The following CTDSPL variants were observed in gnomAD, a reference collection of about 807,000 sequenced individuals.
CTDSPL encodes the protein CTD small phosphatase like, also known as CTD small phosphatase-like protein.
CTDSPL carries 8 observed loss-of-function variants against 30.5 expected under a neutral mutation model. That is an observed-to-expected ratio of 0.26 (90% CI 0.15 to 0.47). The LOEUF (loss-of-function observed/expected upper bound fraction) is 0.47, where lower values mean the gene tolerates loss of function less well. Among genes scored for constraint, CTDSPL ranks in the 20% least tolerant of loss-of-function variants. The probability of loss-of-function intolerance (pLI) is 0.99; values close to 1 mark genes in which losing one functional copy is unlikely to be tolerated. For synonymous variants in CTDSPL, 110 were observed against 137.9 expected, an observed-to-expected ratio of 0.80 and a Z score of 1.42; for missense variants, 248 against 366.1, an observed-to-expected ratio of 0.68 and a Z score of 2.63.
At chr3:37,924,002 ACT>A (rs1393262201) in intron 1 of CTDSPL, among the ~76,000 whole-genome samples, 1 of 152,202 alleles carries the variant, frequency 6.6e-6, no homozygotes, top group Non-Finnish European at 1.5e-5. Context: ...GCAAGCAGAA[ACT>A]CTTCTATTTT....
chr3:37,897,846 A>G (rs1332971512), intron 1 of CTDSPL, among the ~76,000 whole-genome samples: 2 of 152,214 alleles, frequency 1.3e-5, no homozygotes, highest in Admixed American at 6.5e-5. Context: ...GAGCACTGCC[A>G]TTAGTAAGTT....
At chr3:37,888,020 G>T (rs1029707037) in intron 1 of CTDSPL, among the ~76,000 whole-genome samples, 8 of 152,214 alleles carry the variant, frequency 5.3e-5, no homozygotes, top group African/African-American at 1.4e-4. Context: ...AGCCAAAGGT[G>T]GGGGAGAGGG....
chr3:37,873,288 G>T (rs1698098034), intron 1 of CTDSPL, among the ~76,000 whole-genome samples: 1 of 152,186 alleles, frequency 6.6e-6, no homozygotes, highest in African/African-American at 2.4e-5. Flanking sequence ...CTATAGTAGA[G>T]CAGTTTTGTC....
At position 37,946,735 on chromosome 3, in the gene CTDSPL, T is replaced by G. The variant is rs559321208; in HGVS notation, c.80-322T>G. On this transcript the variant is annotated intron_variant, in intron 1 of 7. Transcript: ENST00000273179. ...TGCAGGGTGGGAATACTTCATCTGCTAGGTTCAGGAATGCAGATGGGGACT... is the reference window on the plus strand; with the variant it reads ...TGCAGGGTGGGAATACTTCATCTGCGAGGTTCAGGAATGCAGATGGGGACT... 7.9e-5 allele frequency among the ~76,000 whole-genome samples: 12 copies of G among 152,256 alleles called. No homozygotes were observed. The South Asian group carries it at 1.9e-3, about 24-fold the overall frequency.
rs1294067047 is a variant in CTDSPL, at chr3:37,983,506, C to T, written c.*2639C>T. On this transcript the variant is annotated 3_prime_UTR_variant, in exon 8 of 8. Coordinates refer to ENST00000273179, the MANE Select transcript of CTDSPL (RefSeq NM_001008392.2). ...CCACTTCTCTGTGCCATATACTTCCCATGTTACCAAAATACCCCCAACTCT... is the reference window on the plus strand; with the variant it reads ...CCACTTCTCTGTGCCATATACTTCCTATGTTACCAAAATACCCCCAACTCT... The T allele has an allele frequency of 6.6e-6, 1 of 152,576 alleles. No individual in the cohort carries two copies. Among genetic ancestry groups the T allele is most frequent in the African/African-American group, 2.4e-5 (1 of 41,428 alleles). 9.5% of individuals were successfully genotyped at this position (152,576 alleles called of 1,614,324 possible). A position where few individuals can be genotyped will look rare whatever the true frequency, so the allele number is the denominator to read the frequency against.
At chr3:37,963,744 CTT>C (rs1699267699) in intron 3 of CTDSPL, among the ~76,000 whole-genome samples, 1 of 152,130 alleles carries the variant, frequency 6.6e-6, no homozygotes. Context: ...TTTATTAACT[CTT>C]TATGACTTCT....
At chr3:37,886,709 A>G (rs1368864798) in intron 1 of CTDSPL, among the ~76,000 whole-genome samples, 2 of 152,230 alleles carry the variant, frequency 1.3e-5, no homozygotes, top group Admixed American at 1.3e-4. Flanking sequence ...TGAAAATTGC[A>G]TTCATAATAC....
intron 2 of CTDSPL, among the ~76,000 whole-genome samples, chr3:37,952,543 C>T (rs1266041754): frequency 6.6e-6 from 1 of 152,216 alleles, no homozygotes; most frequent in Non-Finnish European, 1.5e-5. Context: ...AATGCTTTCA[C>T]AGAAAAACCC....
intron 1 of CTDSPL, among the ~76,000 whole-genome samples, chr3:37,929,157 A>G (rs1276376505): frequency 6.6e-6 from 1 of 152,168 alleles, no homozygotes; most frequent in Non-Finnish European, 1.5e-5. Flanking sequence ...TTATGCCAGT[A>G]CCATACTATT....
At chr3:37,882,247 C>T (rs1698214178) in intron 1 of CTDSPL, among the ~76,000 whole-genome samples, 1 of 151,968 alleles carries the variant, frequency 6.6e-6, no homozygotes, top group Non-Finnish European at 1.5e-5. Flanking sequence ...TCGAGACCAT[C>T]CTGGCTAACA....
intron 2 of CTDSPL, among the ~76,000 whole-genome samples, chr3:37,950,816 A>C (rs778449458): frequency 2.8e-4 from 43 of 152,252 alleles, no homozygotes; most frequent in Non-Finnish European, 5.1e-4. Flanking sequence ...CTTACAAGCT[A>C]CTAGAATAAG....
chr3:37,923,945 A>T (rs1285083203), intron 1 of CTDSPL, among the ~76,000 whole-genome samples: 1 of 152,206 alleles, frequency 6.6e-6, no homozygotes, highest in Admixed American at 6.5e-5. Flanking sequence ...ATCCCAAAAC[A>T]TCTGTGAGTA....
chr3:37,920,343 G>A (rs1698699390), intron 1 of CTDSPL, among the ~76,000 whole-genome samples: 1 of 152,240 alleles, frequency 6.6e-6, no homozygotes, highest in South Asian at 2.1e-4. Flanking sequence ...GTGAGACTGA[G>A]CACTGTTGGG....
At chr3:37,891,414 C>T (rs1041498147) in intron 1 of CTDSPL, among the ~76,000 whole-genome samples, 4 of 152,184 alleles carry the variant, frequency 2.6e-5, no homozygotes, top group African/African-American at 9.7e-5. Context: ...AAGGAAAGGG[C>T]CCTTCTACTC....
chr3:37,887,206 A>G (rs1012535989), intron 1 of CTDSPL, among the ~76,000 whole-genome samples: 8 of 152,078 alleles, frequency 5.3e-5, no homozygotes, highest in Non-Finnish European at 8.8e-5. Flanking sequence ...CACAATATTG[A>G]GCATAGTAGA....
chr3:37,925,581 A>C (rs1698772410), intron 1 of CTDSPL, among the ~76,000 whole-genome samples: 1 of 152,156 alleles, frequency 6.6e-6, no homozygotes, highest in Non-Finnish European at 1.5e-5. Context: ...CAGAGGCCTC[A>C]AACTTGTTTT....
At chr3:37,913,202 C>T (rs1337980935) in intron 1 of CTDSPL, among the ~76,000 whole-genome samples, 2 of 152,072 alleles carry the variant, frequency 1.3e-5, no homozygotes, top group African/African-American at 4.8e-5. Flanking sequence ...TACCTGTAGT[C>T]CTAGCTACTC....
chr3:37,893,074 G>A (rs947452693), intron 1 of CTDSPL, among the ~76,000 whole-genome samples: 4 of 152,206 alleles, frequency 2.6e-5, no homozygotes, highest in Admixed American at 1.3e-4. Flanking sequence ...CTGTTCCATT[G>A]TGCAGGCATG....
chr3:37,895,643 T>C (rs892418659), intron 1 of CTDSPL, among the ~76,000 whole-genome samples: 1 of 152,262 alleles, frequency 6.6e-6, no homozygotes, highest in African/African-American at 2.4e-5. Context: ...GCTTACTGTC[T>C]ATCTTTTTAC....
Sources: allele counts gnomAD v4.1 joint callset (sites outside exome capture counted in the v4.1 genomes callset), GRCh38; gene constraint gnomAD v4.1.1; transcripts MANE v1.5; gene names NCBI Gene and HGNC (gene_info 2026-07-23, HGNC 2026-07-21).